Variants in RNF8 observed in about 807,000 individuals in gnomAD.
The protein encoded by RNF8 is E3 ubiquitin-protein ligase RNF8.
A neutral mutation model predicts 59.3 loss-of-function variants in RNF8; 8 were observed. That is an observed-to-expected ratio of 0.13 (90% CI 0.08 to 0.24). RNF8 has a LOEUF of 0.24. Ranked by LOEUF, RNF8 falls within the 10% of genes least tolerant of loss-of-function variation. RNF8 has a pLI of 1.00. For synonymous variants in RNF8, 162 were observed against 200.0 expected, an observed-to-expected ratio of 0.81 and a Z score of 1.60; for missense variants, 406 against 572.6, an observed-to-expected ratio of 0.71 and a Z score of 2.97.
rs1770042843 is a variant in RNF8, at chr6:37,376,941, A to G, written c.1144A>G (p.Met382Val). ...LEQTKEEKEK[M>V]QAQKEEVLSH... ...TGTCTTGCAGGAAGAGAAGGAGAAG[A>G]TGCAAGCACAGAAGGAAGAAGTTCT... is the stretch of plus-strand genomic sequence containing the variant. Residue 382 changes from methionine (M) to valine (V), a missense_variant, in exon 6 of 8, where the codon ATG becomes GTG. Met to Val is a conservative substitution (Grantham distance 21, BLOSUM62 1). Transcript: ENST00000373479. The G allele has an allele frequency of 6.2e-7, 1 of 1,612,546 alleles. No homozygotes were observed. The highest frequency in any genetic ancestry group is 8.5e-7 in the Non-Finnish European group (1 of 1,178,712).
At chr6:37,371,389 G>T in intron 3 of RNF8, 123 bp from the exon 4 acceptor site, 1 of 688,224 alleles carries the variant, frequency 1.5e-6, no homozygotes. Context: ...TTTTCCACCT[G>T]CTCCCTCACC....
chr6:37,376,576 C>G (rs913981307), intron 5 of RNF8, among the ~76,000 whole-genome samples: 1 of 152,006 alleles, frequency 6.6e-6, no homozygotes. Context: ...AGGCCACTAA[C>G]CCCATTTATG....
chr6:37,368,276 G>A (rs1769647687), intron 2 of RNF8: 1 of 1,102,404 alleles, frequency 9.1e-7, no homozygotes, highest in Non-Finnish European at 1.3e-6. Flanking sequence ...TCTCTGTGGA[G>A]GCATGAATGT....
At chr6:37,363,273 C>G (rs9380661) in intron 2 of RNF8, among the ~76,000 whole-genome samples, 4,352 of 152,272 alleles carry the variant, frequency 0.029, 96 homozygotes, top group East Asian at 0.065. Flanking sequence ...AGTTTTTACT[C>G]TCACCTGGGG....
chr6:37,384,989 C>T (rs1461535555), intron 7 of RNF8, among the ~76,000 whole-genome samples: 1 of 151,970 alleles, frequency 6.6e-6, no homozygotes, highest in Non-Finnish European at 1.5e-5. Flanking sequence ...TGCTTGTACT[C>T]AGATAGTATA....
At chr6:37,366,662 G>A (rs1377902621) in intron 2 of RNF8, among the ~76,000 whole-genome samples, 1 of 151,054 alleles carries the variant, frequency 6.6e-6, no homozygotes, top group Non-Finnish European at 1.5e-5. Flanking sequence ...TACCCTCTGT[G>A]CCTTGTGGTC....
chr6:37,361,414 C>A (rs925496217), intron 2 of RNF8: 1 of 454,078 alleles, frequency 2.2e-6, no homozygotes, highest in South Asian at 1.6e-5. Flanking sequence ...CTGTGCTCAT[C>A]AACAAAGGGA....
chr6:37,355,074 A>G (rs1377707430), intron 1 of RNF8, among the ~76,000 whole-genome samples: 1 of 152,104 alleles, frequency 6.6e-6, no homozygotes, highest in Non-Finnish European at 1.5e-5. Flanking sequence ...TTATTAATGC[A>G]GTTGCAAATG....
At chr6:37,379,236 G>A (rs572903418) in intron 6 of RNF8, among the ~76,000 whole-genome samples, 21 of 152,076 alleles carry the variant, frequency 1.4e-4, no homozygotes, top group African/African-American at 4.6e-4. Flanking sequence ...GGCTGGTCTC[G>A]AACTCCTGAC....
chr6:37,377,061 CTTTTTTT>C (rs35985063), intron 6 of RNF8, 28 bp downstream of exon 6: 169 of 257,856 alleles, frequency 6.6e-4, no homozygotes, highest in East Asian at 3.2e-3. Flanking sequence ...CTCACCCCTT[CTTTTTTT>C]TTTTTTTTTT....
chr6:37,367,792 T>G (rs1769622773), intron 2 of RNF8, among the ~76,000 whole-genome samples: 1 of 152,218 alleles, frequency 6.6e-6, no homozygotes, highest in African/African-American at 2.4e-5. Flanking sequence ...ACTGGAACAG[T>G]GTGAGGTAGG....
intron 6 of RNF8, among the ~76,000 whole-genome samples, chr6:37,380,532 G>A (rs537587181): frequency 2.6e-5 from 4 of 151,728 alleles, no homozygotes; most frequent in South Asian, 4.2e-4. Context: ...TTAGCCGGGT[G>A]TAGTGGCAGG....
At chr6:37,382,029 C>T (rs981647438) in intron 7 of RNF8, among the ~76,000 whole-genome samples, 1 of 152,198 alleles carries the variant, frequency 6.6e-6, no homozygotes, top group African/African-American at 2.4e-5. Flanking sequence ...TTTTCACTTC[C>T]AAGAGCTACT....
At chr6:37,377,061 C>CTTTTTTT (rs35985063) in intron 6 of RNF8, 28 bp downstream of exon 6, 56 of 257,972 alleles carry the variant, frequency 2.2e-4, no homozygotes, top group African/African-American at 4.2e-4. Flanking sequence ...CTCACCCCTT[C>CTTTTTTT]TTTTTTTTTT....
chr6:37,371,425 A>T, intron 3 of RNF8, 87 bp from the exon 4 acceptor site: 1 of 1,058,968 alleles, frequency 9.4e-7, no homozygotes, highest in Non-Finnish European at 1.4e-6. Context: ...TGCTCATACT[A>T]GCTGGTCTGC....
chr6:37,358,384 T>A (rs1312094250), intron 1 of RNF8, among the ~76,000 whole-genome samples: 1 of 152,200 alleles, frequency 6.6e-6, no homozygotes, highest in African/African-American at 2.4e-5. Flanking sequence ...TTCCAGTTAC[T>A]ATTATAAAGC....
intron 2 of RNF8, among the ~76,000 whole-genome samples, chr6:37,362,840 C>T (rs1427686904): frequency 6.6e-6 from 1 of 152,164 alleles, no homozygotes; most frequent in Non-Finnish European, 1.5e-5. Context: ...ACAAAAATTG[C>T]AAGAAATGTT....
At chr6:37,381,865 C>T (rs1034699419) in intron 7 of RNF8, among the ~76,000 whole-genome samples, 2 of 152,152 alleles carry the variant, frequency 1.3e-5, no homozygotes, top group African/African-American at 2.4e-5. Context: ...CTGAGCAGGA[C>T]GTGTGTCTGA....
chr6:37,386,355 A>C (rs1770497347), intron 7 of RNF8, among the ~76,000 whole-genome samples: 1 of 152,318 alleles, frequency 6.6e-6, no homozygotes, highest in South Asian at 2.1e-4. Context: ...TCTGGAGGTC[A>C]AAAGGCTGTT....
Sources: gnomAD v4.1 joint callset for allele counts (sites outside exome capture counted in the v4.1 genomes callset) on GRCh38, gnomAD v4.1.1 for gene constraint, MANE v1.5 for transcripts, NCBI Gene and HGNC (gene_info 2026-07-23, HGNC 2026-07-21) for gene names.